The following ABHD1 variants were observed in gnomAD, a reference collection of about 807,000 sequenced individuals.
ABHD1 encodes abhydrolase domain containing 1, also known as protein ABHD1.
A neutral mutation model predicts 41.4 loss-of-function variants in ABHD1; 47 were observed. The ratio of observed to expected loss-of-function variants is 1.13; its 90% CI spans 0.90 to 1.45. ABHD1 has a LOEUF of 1.45. Among genes scored for constraint, ABHD1 ranks in the 40% most tolerant of loss-of-function variants. The probability of loss-of-function intolerance (pLI) is 0.00; values close to 1 mark genes in which losing one functional copy is unlikely to be tolerated. For synonymous variants in ABHD1, 205 were observed against 203.7 expected (o/e 1.01, Z -0.05); for missense variants, 550 against 503.4 (o/e 1.09, Z -0.89).
At position 27,129,281 on chromosome 2, in the gene ABHD1, AGGGTCTGGCTAAGAT is replaced by A. The variant is rs1191246400; in HGVS notation, c.459-33_459-19del. 1 of 1,613,474 alleles carries A rather than the reference AGGGTCTGGCTAAGAT, an allele frequency of 6.2e-7. No individual in the cohort carries two copies. Among genetic ancestry groups the A allele is most frequent in the African/African-American group, 1.3e-5 (1 of 75,054 alleles). On this transcript the variant is annotated intron_variant, in intron 3 of 8. Coordinates refer to ENST00000316470, the MANE Select transcript of ABHD1 (RefSeq NM_032604.4). ...TACTGAAAGGGGAGAGGGGCTAAGAAGGGTCTGGCTAAGATGTACCTGTGTGTGCCACAGGGCTGT... is the reference window on the plus strand; with the variant it reads ...TACTGAAAGGGGAGAGGGGCTAAGAAGTACCTGTGTGTGCCACAGGGCTGT...
chr2:27,126,940 A>C (rs1262346741), intron 1 of ABHD1: 1 of 59,926 alleles, frequency 1.7e-5, no homozygotes, highest in Non-Finnish European at 4.1e-5. Flanking sequence ...TCTTTACTAA[A>C]AATACAAAAA....
rs1323142276 is a variant in ABHD1 at position 27,123,907 on chromosome 2, G to C, written c.-42G>C. 1 of 1,577,476 alleles carries C rather than the reference G, an allele frequency of 6.3e-7. No homozygotes were observed. Among genetic ancestry groups the C allele is most frequent in the African/African-American group, 1.3e-5 (1 of 74,174 alleles). The stretch of plus-strand genomic sequence containing the variant: ...ACCGCGAGTTACAGCCGGCCAACTG[G>C]GGCCAGCCAGGAGCCTGAGGGTCGG... On this transcript the variant is annotated 5_prime_UTR_variant, in exon 1 of 9. Coordinates refer to ENST00000316470, the MANE Select transcript of ABHD1 (RefSeq NM_032604.4).
chr2:27,129,935 C>T lies in ABHD1; in HGVS notation c.791+8C>T, dbSNP rs768605892. 3 of 1,613,648 alleles carry T rather than the reference C, an allele frequency of 1.9e-6. No individual in the cohort carries two copies. The highest frequency in any genetic ancestry group is 2.2e-5 in the East Asian group (1 of 44,884). On this transcript the variant is annotated splice_region_variant and intron_variant, in intron 6 of 8. Transcript: ENST00000316470. ...CTGCCAACTTGTGGAACGGTAGGGT[C>T]GTGGCAAGTGGGAGGAGGCAGTAGA...
chr2:27,129,594 TC>T lies in ABHD1; in HGVS notation c.587del (p.Pro196HisfsTer15), dbSNP rs1672134830. On this transcript the variant is annotated frameshift_variant, in exon 5 of 9. Coordinates refer to ENST00000316470, the MANE Select transcript of ABHD1 (RefSeq NM_032604.4). LOFTEE classifies it high-confidence loss of function. ...ACATAAAGCATCGTTATCCCCAAGC[TC>T]CACTGCTGGCCGTGGGCATCTCTTT... ...NHIKHRYPQA[P>X]LLAVGISFGG... is the part of the protein sequence containing the mutation. The T allele has an allele frequency of 3.1e-6, 5 of 1,613,692 alleles. No homozygotes were observed. The highest frequency in any genetic ancestry group is 4.2e-6 in the Non-Finnish European group (5 of 1,180,026).
At chr2:27,129,401 C>T (rs779867231) in intron 4 of ABHD1, 40 bp downstream of exon 4, 13 of 1,613,550 alleles carry the variant, frequency 8.1e-6, no homozygotes, top group Non-Finnish European at 9.3e-6. Flanking sequence ...TTCACCCACT[C>T]CCTTTAGAGA....
Position 27,129,036 on chromosome 2 carries a change from C to A in ABHD1, c.367C>A (p.Pro123Thr). 1 of 1,614,160 alleles carries A rather than the reference C, an allele frequency of 6.2e-7. No homozygotes were observed. Among genetic ancestry groups the A allele is most frequent in the Non-Finnish European group, 8.5e-7 (1 of 1,180,026 alleles). Reference sequence around the variant, plus strand: ...CCAAGACCCTGATCCTACTACCCAGCCCATTGTGCTGCTGCTTCCTGGCAT... The same window carrying A: ...CCAAGACCCTGATCCTACTACCCAGACCATTGTGCTGCTGCTTCCTGGCAT... ...SSQDPDPTTQ[P>T]IVLLLPGITG... Residue 123 changes from proline (P) to threonine (T), a missense_variant, in exon 3 of 9, where the codon CCC (proline) becomes ACC (threonine). By Grantham distance (38) the Pro-to-Thr change is conservative. Coordinates refer to ENST00000316470, the MANE Select transcript of ABHD1 (RefSeq NM_032604.4).
At chr2:27,129,466 T>TTC in intron 4 of ABHD1, 48 bp from the exon 5 acceptor site, 1 of 1,612,594 alleles carries the variant, frequency 6.2e-7, no homozygotes, top group Non-Finnish European at 8.5e-7. Context: ...CCCCTCCACC[T>TTC]TCTGGCCACG....
chr2:27,125,837 G>C (rs1035542914), intron 1 of ABHD1: 1 of 151,356 alleles, frequency 6.6e-6, no homozygotes, highest in African/African-American at 2.4e-5. Flanking sequence ...GGAGGCGGAG[G>C]TTGCGGTGAG....
chr2:27,126,328 T>G (rs1671953310), intron 1 of ABHD1: 1 of 152,256 alleles, frequency 6.6e-6, no homozygotes, highest in Admixed American at 6.5e-5. Flanking sequence ...CTCATAAGTT[T>G]GGGCTTAGCC....
intron 1 of ABHD1, 44 bp downstream of exon 1, chr2:27,124,106 G>T (rs754791446): frequency 1.9e-6 from 3 of 1,568,208 alleles, no homozygotes; most frequent in Non-Finnish European, 2.6e-6. Flanking sequence ...TTGGGTGTAG[G>T]GGGCAGCTTC....
rs199861424 is a variant in ABHD1, at chr2:27,130,279, G to A, written c.869G>A (p.Arg290His). ...CGTACAATCCGCCAGTTTGATGAGC[G>A]CTACACATCTGTGGCCTTTGGATAT... ...QARTIRQFDERYTSVAFGYQD... is the reference protein window; with the variant it reads ...QARTIRQFDEHYTSVAFGYQD... The change falls in exon 8 of 9, where the codon CGC becomes CAC. Residue 290 changes from arginine to histidine, a missense_variant. Coordinates refer to ENST00000316470, the MANE Select transcript of ABHD1 (RefSeq NM_032604.4). The A allele has an allele frequency of 3.2e-5, 52 of 1,614,084 alleles. No homozygotes were observed. The Admixed American group carries it at 5.8e-4, about 18-fold the overall frequency.
At chr2:27,126,342 T>G (rs558001944) in intron 1 of ABHD1, 1 of 152,258 alleles carries the variant, frequency 6.6e-6, no homozygotes, top group Non-Finnish European at 1.5e-5. Flanking sequence ...CTTAGCCCAG[T>G]GCCTTCACAC....
At chr2:27,128,752 T>A (rs983751866) in intron 2 of ABHD1, 151 bp downstream of exon 2, 1 of 1,260,514 alleles carries the variant, frequency 7.9e-7, no homozygotes, top group Admixed American at 2.3e-5. Flanking sequence ...GGCTATATAA[T>A]TGCACGGCCA....
intron 2 of ABHD1, among the ~76,000 whole-genome samples, 166 bp downstream of exon 2, chr2:27,128,767 G>C (rs191281881): frequency 1.3e-5 from 2 of 152,312 alleles, no homozygotes; most frequent in South Asian, 4.1e-4. Flanking sequence ...CGGCCACCAG[G>C]TCATCTTTTA....
intron 1 of ABHD1, chr2:27,124,984 T>C (rs1671901226): frequency 6.6e-6 from 1 of 151,966 alleles, no homozygotes. Context: ...CTACTAAAAA[T>C]ACAAAAATTA....
At position 27,128,517 on chromosome 2, in the gene ABHD1, AC is replaced by A; in HGVS notation, c.194del (p.Pro65GlnfsTer23). ...TGTTCCATCACCACCGAGACTTTCTACCCAACGCTGTGGTGTTTTGAGGGGC... is the reference window on the plus strand; with the variant it reads ...TGTTCCATCACCACCGAGACTTTCTACCAACGCTGTGGTGTTTTGAGGGGC... ...PHCSITTETF[Y>X]PTLWCFEGRL... On this transcript the variant is annotated frameshift_variant, in exon 2 of 9. Coordinates refer to ENST00000316470, the MANE Select transcript of ABHD1 (RefSeq NM_032604.4). LOFTEE classifies it high-confidence loss of function. The A allele has an allele frequency of 6.2e-7, 1 of 1,614,052 alleles. No individual in the cohort carries two copies. Among genetic ancestry groups the A allele is most frequent in the South Asian group, 1.1e-5 (1 of 91,066 alleles).
chr2:27,128,466 AGTTTCTGGCCTTCCTGGAGCCACACT>A lies in ABHD1; in HGVS notation c.144_169del (p.Leu49HisfsTer14). 1.2e-6 allele frequency: 2 copies of A among 1,614,014 alleles called. No individual in the cohort carries two copies. The highest frequency in any genetic ancestry group is 1.7e-6 in the Non-Finnish European group (2 of 1,179,982). On this transcript the variant is annotated frameshift_variant, in exon 2 of 9. Transcript: ENST00000316470. LOFTEE classifies it high-confidence loss of function. ...AGGCCTCGGCTGGTGGCTGGGCCGC[AGTTTCTGGCCTTCCTGGAGCCACACT>A]GTTCCATCACCACCGAGACTTTCTA...
At chr2:27,130,489 C>G (rs776261316) in intron 8 of ABHD1, 44 bp from the exon 9 acceptor site, 1 of 1,611,580 alleles carries the variant, frequency 6.2e-7, no homozygotes, top group Admixed American at 1.7e-5. Flanking sequence ...ACAGCCTGGG[C>G]TCCCAGTGAA....
intron 7 of ABHD1, 43 bp from the exon 8 acceptor site, chr2:27,130,208 C>G (rs1672172199): frequency 1.2e-6 from 2 of 1,614,062 alleles, no homozygotes; most frequent in African/African-American, 1.3e-5. Flanking sequence ...CACTATCTTC[C>G]TATTCTTTAT....
Sources: gnomAD v4.1 joint callset for allele counts (sites outside exome capture counted in the v4.1 genomes callset) on GRCh38, gnomAD v4.1.1 for gene constraint, MANE v1.5 for transcripts, NCBI Gene and HGNC (gene_info 2026-07-23, HGNC 2026-07-21) for gene names.